Variants in ZKSCAN7 observed in about 807,000 individuals in gnomAD.
ZKSCAN7 encodes the protein zinc finger protein with KRAB and SCAN domains 7.
Under a neutral mutation model 65.3 loss-of-function variants are expected in ZKSCAN7, and 38 were observed. That is an observed-to-expected ratio of 0.58 (90% confidence interval 0.45 to 0.76). ZKSCAN7 has a LOEUF of 0.76. Ranked by LOEUF, ZKSCAN7 falls within the 30% of genes least tolerant of loss-of-function variation. The pLI is 0.00. For synonymous variants in ZKSCAN7, 321 were observed against 321.0 expected (o/e 1.00, Z 0.00); for missense variants, 815 against 913.3 (o/e 0.89, Z 1.39).
downstream of ZKSCAN7, among the ~76,000 whole-genome samples, chr3:44,573,347 C>T (rs1025525111): frequency 1.3e-5 from 2 of 151,978 alleles, no homozygotes; most frequent in Admixed American, 6.6e-5. Flanking sequence ...AGGAGCCATG[C>T]GAGTTATATA....
downstream of ZKSCAN7, among the ~76,000 whole-genome samples, chr3:44,574,738 T>C (rs984708050): frequency 1.3e-5 from 2 of 152,102 alleles, no homozygotes; most frequent in African/African-American, 4.8e-5. Flanking sequence ...AAGACCAGCC[T>C]GGCCAACATG....
At chr3:44,576,727 A>G (rs551519635), downstream of ZKSCAN7, among the ~76,000 whole-genome samples, 23 of 152,322 alleles carry the variant, frequency 1.5e-4, no homozygotes, top group African/African-American at 2.4e-5. Context: ...TTGTAAATTT[A>G]TGTAACTCTG....
At chr3:44,581,614 G>A (rs569043980) in intron 5 of ZKSCAN7, among the ~76,000 whole-genome samples, 1 of 152,030 alleles carries the variant, frequency 6.6e-6, no homozygotes, top group African/African-American at 2.4e-5. Context: ...GGGAACCCAC[G>A]AAAAAAGGTA....
Position 44,570,183 on chromosome 3 carries a change from A to G in ZKSCAN7, c.1073A>G (p.Lys358Arg). The G allele has an allele frequency of 6.2e-7, 1 of 1,614,256 alleles. No individual in the cohort carries two copies. Among genetic ancestry groups the G allele is most frequent in the East Asian group, 2.2e-5 (1 of 44,892 alleles). Reference sequence around the variant, plus strand: ...ACAAAAGACAGATATGACAAATATAAGGAAGTTGGGGAACATCCACCTCTG... The same window carrying G: ...ACAAAAGACAGATATGACAAATATAGGGAAGTTGGGGAACATCCACCTCTG... ...KSTKDRYDKY[K>R]EVGEHPPLSS... The change falls in exon 6 of 6, where the codon AAG becomes AGG. Residue 358 changes from lysine to arginine, a missense_variant. Lys to Arg is a conservative substitution (Grantham distance 26). This residue lies in a region of ZKSCAN7 where 578 missense variants were observed against 629.5 expected (regional missense o/e 0.92). Coordinates refer to ENST00000426540, the MANE Select transcript of ZKSCAN7 (RefSeq NM_001288590.2).
chr3:44,562,326 G>A (rs1392476429), intron 2 of ZKSCAN7, among the ~76,000 whole-genome samples: 2 of 152,230 alleles, frequency 1.3e-5, no homozygotes, highest in Non-Finnish European at 2.9e-5. Context: ...GCTGCACAGA[G>A]CAGCTAGGCC....
intron 5 of ZKSCAN7, among the ~76,000 whole-genome samples, chr3:44,569,452 C>G (rs1245422776): frequency 1.3e-5 from 2 of 152,198 alleles, no homozygotes; most frequent in African/African-American, 4.8e-5. Context: ...TCAATTCACT[C>G]TCATTTTTTT....
At position 44,570,621 on chromosome 3, in the gene ZKSCAN7, T is replaced by A; in HGVS notation, c.1511T>A (p.Phe504Tyr). The change falls in exon 6 of 6, where the codon TTC becomes TAC. Residue 504 changes from phenylalanine to tyrosine, a missense_variant. Coordinates refer to ENST00000426540, the MANE Select transcript of ZKSCAN7 (RefSeq NM_001288590.2). ...PYECNECGEA[F>Y]IRSKSLARHQ... is the part of the protein sequence containing the mutation. ...GAATGCAATGAGTGTGGAGAGGCATTCATTCGAAGCAAAAGTCTTGCTCGA... is the reference window on the plus strand; with the variant it reads ...GAATGCAATGAGTGTGGAGAGGCATACATTCGAAGCAAAAGTCTTGCTCGA... 1 of 1,613,986 alleles carries A rather than the reference T, an allele frequency of 6.2e-7. No homozygotes were observed. The highest frequency in any genetic ancestry group is 8.5e-7 in the Non-Finnish European group (1 of 1,179,956).
intron 2 of ZKSCAN7, 127 bp from the exon 3 acceptor site, chr3:44,565,359 TG>T: frequency 1.1e-6 from 1 of 887,144 alleles, no homozygotes; most frequent in Non-Finnish European, 1.7e-6. Context: ...ACTGTAGTGG[TG>T]GGGCTGGAAG....
chr3:44,579,976 G>GGC (rs1553622589), intron 5 of ZKSCAN7: 2 of 1,480,040 alleles, frequency 1.4e-6, no homozygotes, highest in East Asian at 2.5e-5. Flanking sequence ...AGAGGAGCTT[G>GGC]GGGGGGGGCT....
At chr3:44,580,735 T>C in intron 5 of ZKSCAN7, 1 of 1,613,890 alleles carries the variant, frequency 6.2e-7, no homozygotes, top group Middle Eastern at 1.7e-4. Context: ...TTCATGTTGA[T>C]GGTGCCCTGA....
chr3:44,570,441 G>A lies in ZKSCAN7; in HGVS notation c.1331G>A (p.Cys444Tyr), dbSNP rs200881479. ...GAAAAACCCTATGAATGCAGTGAGT[G>A]TGGAAAGGCCTATAGGCACAGCTCC... ...TGEKPYECSE[C>Y]GKAYRHSSHL... Residue 444 changes from cysteine to tyrosine, a missense_variant, in exon 6 of 6, where the codon TGT (cysteine) becomes TAT (tyrosine). Cys to Tyr is a radical substitution (Grantham distance 194, BLOSUM62 -2). Transcript: ENST00000426540. 5 of 1,614,154 alleles carry A rather than the reference G, an allele frequency of 3.1e-6. No homozygotes were observed. In the African/African-American group the frequency reaches 4.0e-5, roughly 13 times the overall value.
downstream of ZKSCAN7, among the ~76,000 whole-genome samples, chr3:44,573,488 T>C (rs933487955): frequency 3.3e-5 from 5 of 152,214 alleles, no homozygotes; most frequent in Non-Finnish European, 1.5e-5. Context: ...GAAAGAATAA[T>C]AGGAATCCTG....
At chr3:44,580,041 CGT>C in intron 5 of ZKSCAN7, 2 of 1,579,556 alleles carry the variant, frequency 1.3e-6, no homozygotes, top group Non-Finnish European at 1.7e-6. Context: ...GCGGCCCTGG[CGT>C]GTGTCACTGG....
exon 6 of ZKSCAN7, chr3:44,583,238 A>C: frequency 4.7e-6 from 1 of 213,240 alleles, no homozygotes; most frequent in Non-Finnish European, 9.5e-6. Context: ...TATTCTTTTT[A>C]AGTTTCTTGA....
chr3:44,560,169 G>C (rs527812046), intron 2 of ZKSCAN7, among the ~76,000 whole-genome samples: 2 of 152,160 alleles, frequency 1.3e-5, no homozygotes, highest in African/African-American at 4.8e-5. Flanking sequence ...TTGGGTGTAG[G>C]GTCTTTGGAG....
intron 5 of ZKSCAN7, among the ~76,000 whole-genome samples, chr3:44,578,622 G>A (rs576982788): frequency 1.8e-4 from 28 of 152,302 alleles, no homozygotes; most frequent in African/African-American, 6.7e-4. Context: ...TGGCGCCGCA[G>A]GGCCTCAACA....
At chr3:44,580,778 G>A in intron 5 of ZKSCAN7, 1 of 1,612,884 alleles carries the variant, frequency 6.2e-7, no homozygotes, top group Non-Finnish European at 8.5e-7. Context: ...CCAGGGCGTA[G>A]CGCAAGAGGC....
Position 44,571,106 on chromosome 3 carries a change from A to T in ZKSCAN7, c.1996A>T (p.Asn666Tyr). 1 of 1,614,160 alleles carries T rather than the reference A, an allele frequency of 6.2e-7. No homozygotes were observed. Among genetic ancestry groups the T allele is most frequent in the South Asian group, 1.1e-5 (1 of 91,080 alleles). ...IHTGEKPYEC[N>Y]ECGKVFSYSS... ...CACTGGTGAGAAACCCTATGAATGT[A>T]ATGAGTGTGGGAAGGTATTCAGTTA... The change falls in exon 6 of 6, where the codon AAT becomes TAT. Residue 666 changes from asparagine (N) to tyrosine (Y), a missense_variant. By Grantham distance (143) the Asn-to-Tyr change is moderately radical. Transcript: ENST00000426540.
chr3:44,578,134 C>T, intron 5 of ZKSCAN7: 2 of 1,531,682 alleles, frequency 1.3e-6, no homozygotes, highest in Non-Finnish European at 1.8e-6. Context: ...TCCGTTGCAG[C>T]CTTAAGCTGC....
Sources: allele counts gnomAD v4.1 joint callset (sites outside exome capture counted in the v4.1 genomes callset), GRCh38; gene constraint gnomAD v4.1.1; regional missense constraint gnomAD v4.1.1; transcripts MANE v1.5; gene names NCBI Gene and HGNC (gene_info 2026-07-23, HGNC 2026-07-21).